The following DPP9 variants were observed in gnomAD, a reference collection of about 807,000 sequenced individuals.
DPP9 encodes dipeptidyl peptidase 9, also known as dipeptidyl peptidase IV-related protein-2.
In DPP9, 50 loss-of-function variants were observed where a neutral mutation model predicts 110.7. The ratio of observed to expected loss-of-function variants is 0.45; its 90% confidence interval spans 0.36 to 0.57. The LOEUF (loss-of-function observed/expected upper bound fraction) is 0.57, where lower values mean the gene tolerates loss of function less well. Among genes scored for constraint, DPP9 ranks in the 20% least tolerant of loss-of-function variants. The pLI, the probability that DPP9 is intolerant of heterozygous loss-of-function variation, is 0.00. For missense variants in DPP9, 1,022 were observed against 1,217.9 expected, an observed-to-expected ratio of 0.84 and a Z score of 2.39; for synonymous variants, 561 against 514.4, an observed-to-expected ratio of 1.09 and a Z score of -1.23.
At chr19:4,705,763 G>T in intron 5 of DPP9, 95 bp downstream of exon 5, 2 of 1,209,000 alleles carry the variant, frequency 1.7e-6, no homozygotes, top group Non-Finnish European at 2.4e-6. Context: ...CAGCCGGTGG[G>T]GCAGAGAGGT....
At chr19:4,692,398 G>A (rs1361241134) in intron 13 of DPP9, among the ~76,000 whole-genome samples, 4 of 152,152 alleles carry the variant, frequency 2.6e-5, no homozygotes, top group African/African-American at 9.7e-5. Context: ...TGGCGTAGAG[G>A]TCTGGGTGTG....
At chr19:4,712,601 G>A (rs1014847558) in intron 4 of DPP9, among the ~76,000 whole-genome samples, 18 of 152,150 alleles carry the variant, frequency 1.2e-4, no homozygotes, top group African/African-American at 2.9e-4. Flanking sequence ...TTTCAGCTAC[G>A]TGGGCCATAT....
intron 3 of DPP9, among the ~76,000 whole-genome samples, chr19:4,717,201 A>T (rs1296182814): frequency 1.3e-5 from 2 of 152,176 alleles, no homozygotes; most frequent in African/African-American, 4.8e-5. Context: ...GCTCCTCCTG[A>T]GACAGAAATA....
chr19:4,701,020 C>T (rs959868305), intron 9 of DPP9, among the ~76,000 whole-genome samples: 10 of 152,154 alleles, frequency 6.6e-5, no homozygotes, highest in Non-Finnish European at 1.0e-4. Context: ...CCATCTAGCA[C>T]GGCACAGAGC....
chr19:4,695,521 A>G lies in DPP9; in HGVS notation c.1210T>C (p.Trp404Arg), dbSNP rs1295882009. Residue 404 changes from tryptophan (W) to arginine (R), a missense_variant, in exon 12 of 22, where the codon TGG becomes CGG. Around this residue, in one of 3 missense-constraint regions of DPP9, gnomAD observed 810 missense variants for 920.6 expected, o/e 0.88. Transcript: ENST00000262960. This position sits in a 1 kb window ranked among gnomAD's most constrained non-coding sequence, Gnocchi z 4.7. ...WAMFLDRPQQ[W>R]LQLVLLPPAL... ...GGGGGGAGGAGGACGAGCTGGAGCC[A>G]CTGCTGGGGCCGGTCCAGGAACATG... is the stretch of plus-strand genomic sequence containing the variant. 2.0e-6 allele frequency: 3 copies of G among 1,529,670 alleles called. No homozygotes were observed. The highest frequency in any genetic ancestry group is 2.8e-5 in the African/African-American group (2 of 71,374). 94.8% of individuals were successfully genotyped at this position (1,529,670 alleles called of 1,614,324 possible). A position where few individuals can be genotyped will look rare whatever the true frequency, so the allele number is the denominator to read the frequency against.
chr19:4,707,429 C>T (rs2092638257), intron 4 of DPP9, among the ~76,000 whole-genome samples: 1 of 152,058 alleles, frequency 6.6e-6, no homozygotes, highest in Admixed American at 6.6e-5. Context: ...CACTGAAAAA[C>T]CGGGACAGGG....
At chr19:4,690,537 C>G (rs904488987) in intron 14 of DPP9, among the ~76,000 whole-genome samples, 3 of 152,232 alleles carry the variant, frequency 2.0e-5, no homozygotes, top group Admixed American at 6.5e-5. Context: ...TGGCCCCAGA[C>G]GGCCTGCAGA....
chr19:4,693,614 T>G lies in DPP9; in HGVS notation c.1516+1047A>C, dbSNP rs2091522941. On this transcript the variant is annotated intron_variant, in intron 13 of 21. Transcript: ENST00000262960. This position sits in a 1 kb window ranked among gnomAD's most constrained non-coding sequence, Gnocchi z 5.0. Reference sequence around the variant, plus strand: ...CTCAGCTGTCCAAGCACATCCAGAATCAGACCCACCAGGACAGCTCAGCCA... The same window carrying G: ...CTCAGCTGTCCAAGCACATCCAGAAGCAGACCCACCAGGACAGCTCAGCCA... Among the ~76,000 whole-genome samples the G allele has an allele frequency of 6.6e-6, 1 of 152,036 alleles. No homozygotes were observed. The highest frequency in any genetic ancestry group is 6.6e-5 in the Admixed American group (1 of 15,260).
chr19:4,697,719 C>T (rs958713377), intron 10 of DPP9, 68 bp from the exon 11 acceptor site: 1 of 1,335,008 alleles, frequency 7.5e-7, no homozygotes, highest in Non-Finnish European at 1.1e-6. Context: ...GAGAAGGCCA[C>T]TGCGCTGGGT....
intron 11 of DPP9, 122 bp downstream of exon 11, chr19:4,697,429 A>G: frequency 3.8e-6 from 3 of 795,028 alleles, no homozygotes; most frequent in Non-Finnish European, 6.0e-6. Context: ...TGGCGGTTGC[A>G]CTGCGGGAAG....
At chr19:4,721,900 G>A (rs1307789484) in intron 2 of DPP9, among the ~76,000 whole-genome samples, 3 of 152,176 alleles carry the variant, frequency 2.0e-5, no homozygotes, top group Non-Finnish European at 4.4e-5. Context: ...GAAAAGCGTG[G>A]GCTCTGGTCT....
At chr19:4,702,572 G>A (rs372183330) in intron 8 of DPP9, 31 bp downstream of exon 8, 10 of 1,522,878 alleles carry the variant, frequency 6.6e-6, no homozygotes, top group Middle Eastern at 1.7e-4. Flanking sequence ...AAGCACGCCC[G>A]GGAGCATGTT....
Position 4,691,078 on chromosome 19 carries a change from T to C in DPP9, c.1517-121A>G. 6.8e-6 allele frequency: 5 copies of C among 739,482 alleles called. No homozygotes were observed. In the South Asian group the frequency reaches 7.9e-5, roughly 12 times the overall value. The allele number at this position is 739,482 out of a possible 1,614,324, so 45.8% of individuals were successfully genotyped here. ...TGGAGCCACTGAAACCCCGGCTTGCTGTGAACTCAGACGCCAGCACAGGCC... is the reference window on the plus strand; with the variant it reads ...TGGAGCCACTGAAACCCCGGCTTGCCGTGAACTCAGACGCCAGCACAGGCC... On this transcript the variant is annotated intron_variant, in intron 13 of 21. Coordinates refer to ENST00000262960, the MANE Select transcript of DPP9 (RefSeq NM_139159.5).
Position 4,684,824 on chromosome 19 carries a change from G to A in DPP9, c.2032-15C>T. Reference sequence around the variant, plus strand: ...ACCAGCTGCACCTGTGGGGAGGTGAGGGCCAGCAGTCCAGCACGAGATGCC... The same window carrying A: ...ACCAGCTGCACCTGTGGGGAGGTGAAGGCCAGCAGTCCAGCACGAGATGCC... On this transcript the variant is annotated splice_polypyrimidine_tract_variant and intron_variant, in intron 17 of 21. Coordinates refer to ENST00000262960, the MANE Select transcript of DPP9 (RefSeq NM_139159.5). The surrounding 1 kb of genome is among the most constrained non-coding windows in gnomAD (Gnocchi z 4.8). 1.3e-6 allele frequency: 2 copies of A among 1,584,424 alleles called. No individual in the cohort carries two copies. Among genetic ancestry groups the A allele is most frequent in the Non-Finnish European group, 8.6e-7 (1 of 1,166,286 alleles).
Position 4,676,227 on chromosome 19 carries a change from CGGAAGGCAG to C in DPP9, c.*328_*336del. On this transcript the variant is annotated 3_prime_UTR_variant, in exon 22 of 22. Coordinates refer to ENST00000262960, the MANE Select transcript of DPP9 (RefSeq NM_139159.5). This position sits in a 1 kb window ranked among gnomAD's most constrained non-coding sequence, Gnocchi z 4.0. ...CTGAGAGGTCACAGGGAGCCCCAGG[CGGAAGGCAG>C]CCCGCTCCTCTGAGTCTCTTCTGGC... 3.4e-6 allele frequency: 1 copy of C among 293,888 alleles called. No homozygotes were observed. Among genetic ancestry groups the C allele is most frequent in the Non-Finnish European group, 6.5e-6 (1 of 154,258 alleles). 18.2% of individuals were successfully genotyped at this position (293,888 alleles called of 1,614,324 possible). A position where few individuals can be genotyped will look rare whatever the true frequency, so the allele number is the denominator to read the frequency against.
rs576640269 is a variant in DPP9, at chr19:4,678,181, C to A, written c.2587-1525G>T. Among the ~76,000 whole-genome samples the A allele has an allele frequency of 9.1e-4, 139 of 151,940 alleles. 1 individual carries two copies. The highest frequency in any genetic ancestry group is 1.6e-3 in the Non-Finnish European group (110 of 67,990). On this transcript the variant is annotated intron_variant, in intron 21 of 21. Coordinates refer to ENST00000262960, the MANE Select transcript of DPP9 (RefSeq NM_139159.5). ...AGGCTGGAGTGCAGTGGCACAATCT[C>A]GGTTCACTGGAACCTCCGCCTCCCA...
intron 3 of DPP9, chr19:4,715,712 T>G (rs1266877111): frequency 6.6e-6 from 1 of 152,160 alleles, no homozygotes; most frequent in Non-Finnish European, 1.5e-5. Flanking sequence ...TGGCCTTCAC[T>G]GGAAGTTCCA....
At position 4,675,655 on chromosome 19, in the gene DPP9, G is replaced by C. The variant is rs979371847; in HGVS notation, c.*909C>G. 6.6e-6 allele frequency: 1 copy of C among 152,294 alleles called. No individual in the cohort carries two copies. Among genetic ancestry groups the C allele is most frequent in the Non-Finnish European group, 1.5e-5 (1 of 68,086 alleles). 9.4% of individuals were successfully genotyped at this position (152,294 alleles called of 1,614,324 possible). A position where few individuals can be genotyped will look rare whatever the true frequency, so the allele number is the denominator to read the frequency against. On this transcript the variant is annotated 3_prime_UTR_variant, in exon 22 of 22. Coordinates refer to ENST00000262960, the MANE Select transcript of DPP9 (RefSeq NM_139159.5). ...CCTGGCCGCTTCTCCTGTGGGGCCC[G>C]CATGACCCTCTGCTCGGGCTTGGGA... is the stretch of plus-strand genomic sequence containing the variant.
chr19:4,679,841 C>G lies in DPP9; in HGVS notation c.2580G>C (p.Gln860His). ...SQLIRAGKPY[Q>H]LQIYPNERHS... ...GCCCCCAACAGCCACCCACCTGGAG[C>G]TGGTAAGGTTTCCCTGCTCGGATCA... Residue 860 changes from glutamine to histidine, a missense_variant, in exon 21 of 22, where the codon CAG (glutamine) becomes CAC (histidine). This residue lies in a region of DPP9 where 209 missense variants were observed against 280.4 expected (regional missense o/e 0.75). Transcript: ENST00000262960. 6.2e-7 allele frequency: 1 copy of G among 1,609,916 alleles called. No individual in the cohort carries two copies. The highest frequency in any genetic ancestry group is 8.5e-7 in the Non-Finnish European group (1 of 1,178,202).
Sources: allele counts gnomAD v4.1 joint callset (sites outside exome capture counted in the v4.1 genomes callset), GRCh38; gene constraint gnomAD v4.1.1; regional missense constraint gnomAD v4.1.1; non-coding constraint Gnocchi (gnomAD v3.1); transcripts MANE v1.5; gene names NCBI Gene and HGNC (gene_info 2026-07-23, HGNC 2026-07-21).